The following KCNH6 variants were observed in gnomAD, a reference collection of about 807,000 sequenced individuals.
KCNH6 encodes the protein voltage-gated inwardly rectifying potassium channel KCNH6.
KCNH6 carries 81 observed loss-of-function variants against 83.4 expected under a neutral mutation model. The observed-to-expected ratio is 0.97, with a 90% CI of 0.81 to 1.17. The LOEUF is 1.17. KCNH6 is among the 50% of genes most tolerant of loss of function. The pLI is 0.00. For missense variants in KCNH6, 1,203 were observed against 1,290.5 expected (o/e 0.93, Z 1.04); for synonymous variants, 503 against 545.6 (o/e 0.92, Z 1.09).
rs1215791281 is a variant in KCNH6 at position 63,534,284 on chromosome 17, C to G, written c.1074C>G (p.Leu358=). ...IDMVAAIPFD[L]LIFRTGSDET... is the part of the protein sequence containing the mutation. ...TGGTGGCCGCCATCCCTTTCGACCT[C>G]CTGATCTTCCGCACTGGCTCCGATG... The change falls in exon 5 of 13, where the codon CTC becomes CTG. Residue 358 remains leucine, a synonymous_variant. Transcript: ENST00000314672. This position sits in a 1 kb window ranked among gnomAD's most constrained non-coding sequence, Gnocchi z 5.0. 6.2e-7 allele frequency: 1 copy of G among 1,613,678 alleles called. No homozygotes were observed. The highest frequency in any genetic ancestry group is 8.5e-7 in the Non-Finnish European group (1 of 1,179,802).
Position 63,533,880 on chromosome 17 carries a change from C to T in KCNH6, c.676-6C>T, listed in dbSNP as rs8080494. On this transcript the variant is annotated splice_polypyrimidine_tract_variant and splice_region_variant and intron_variant, in intron 4 of 12. Transcript: ENST00000314672. The surrounding 1 kb of genome is among the most constrained non-coding windows in gnomAD (Gnocchi z 4.1). ...GTGCCTGACCTCCCTCGGCCCCCAC[C>T]CCCAGGTCCTGTCCCTGGGCGCGGA... 1.2e-6 allele frequency: 2 copies of T among 1,609,444 alleles called. No individual in the cohort carries two copies. Among genetic ancestry groups the T allele is most frequent in the African/African-American group, 1.3e-5 (1 of 74,828 alleles).
At chr17:63,529,272 G>A (rs905012329) in intron 2 of KCNH6, among the ~76,000 whole-genome samples, 1 of 152,198 alleles carries the variant, frequency 6.6e-6, no homozygotes, top group Non-Finnish European at 1.5e-5. Context: ...TAATGGGGAA[G>A]GTGGCCAGAG....
At position 63,535,922 on chromosome 17, in the gene KCNH6, A is replaced by ACCCAGCCTCGGGCCCCGAG. The variant is rs763263848; in HGVS notation, c.1371_1372insGAGCCCAGCCTCGGGCCCC (p.Ser458GlufsTer113). The ACCCAGCCTCGGGCCCCGAG allele has an allele frequency of 1.2e-6, 2 of 1,613,840 alleles. No homozygotes were observed. Among genetic ancestry groups the ACCCAGCCTCGGGCCCCGAG allele is most frequent in the Middle Eastern group, 1.6e-4 (1 of 6,084 alleles). Reference sequence around the variant, plus strand: ...CTTGGCAAGCGCTACAACGGCAGCGACCCAGCCTCGGGCCCCTCGGTGCAG... The same window carrying ACCCAGCCTCGGGCCCCGAG: ...CTTGGCAAGCGCTACAACGGCAGCGACCCAGCCTCGGGCCCCGAGCCCAGCCTCGGGCCCCTCGGTGCAG... On this transcript the variant is annotated frameshift_variant, in exon 6 of 13. Coordinates refer to ENST00000314672, the MANE Select transcript of KCNH6 (RefSeq NM_001278919.2). LOFTEE classifies it high-confidence loss of function. The surrounding 1 kb of genome is among the most constrained non-coding windows in gnomAD (Gnocchi z 4.9).
In KCNH6 at chr17:63,546,035, C is replaced by A. The variant is rs2033132744; in HGVS notation, c.*133C>A. ...GGGAGGCCGAGGCGGGCGGATCAGA[C>A]CATCCTGGCTAACACGGTGAAACCC... is the stretch of plus-strand genomic sequence containing the variant. On this transcript the variant is annotated 3_prime_UTR_variant, in exon 13 of 13. Transcript: ENST00000314672. 2.7e-6 allele frequency: 2 copies of A among 749,992 alleles called. No individual in the cohort carries two copies. 46.5% of individuals were successfully genotyped at this position (749,992 alleles called of 1,614,324 possible).
At position 63,534,345 on chromosome 17, in the gene KCNH6, C is replaced by A; in HGVS notation, c.1101+34C>A. On this transcript the variant is annotated intron_variant, in intron 5 of 12. Coordinates refer to ENST00000314672, the MANE Select transcript of KCNH6 (RefSeq NM_001278919.2). This position sits in a 1 kb window ranked among gnomAD's most constrained non-coding sequence, Gnocchi z 5.0. ...ACCCCCTCCAGGCCAGCAGCCATGG[C>A]TGTCCTCTGCACGCTGGCCTCAAGC... 6.3e-7 allele frequency: 1 copy of A among 1,576,872 alleles called. No homozygotes were observed. The highest frequency in any genetic ancestry group is 1.2e-5 in the South Asian group (1 of 84,696).
intron 8 of KCNH6, among the ~76,000 whole-genome samples, chr17:63,541,187 G>A (rs913880251): frequency 3.9e-5 from 6 of 151,964 alleles, no homozygotes; most frequent in Non-Finnish European, 7.4e-5. Flanking sequence ...CACCAGGAGG[G>A]CCCAGTACCC....
chr17:63,533,796 C>T lies in KCNH6; in HGVS notation c.676-90C>T, dbSNP rs796651336. 3.9e-6 allele frequency: 5 copies of T among 1,279,256 alleles called. No homozygotes were observed. In the African/African-American group the frequency reaches 7.3e-5, roughly 19 times the overall value. 79.2% of individuals were successfully genotyped at this position (1,279,256 alleles called of 1,614,324 possible). A position where few individuals can be genotyped will look rare whatever the true frequency, so the allele number is the denominator to read the frequency against. On this transcript the variant is annotated intron_variant, in intron 4 of 12. Coordinates refer to ENST00000314672, the MANE Select transcript of KCNH6 (RefSeq NM_001278919.2). This position sits in a 1 kb window ranked among gnomAD's most constrained non-coding sequence, Gnocchi z 4.1. Reference sequence around the variant, plus strand: ...AGAGCCGTGGTCACCCACCCTCTCCCACTACACCTTCCCCAGGCCTCAGCC... The same window carrying T: ...AGAGCCGTGGTCACCCACCCTCTCCTACTACACCTTCCCCAGGCCTCAGCC...
chr17:63,526,212 C>CA (rs1408592349), intron 2 of KCNH6, among the ~76,000 whole-genome samples: 2 of 152,150 alleles, frequency 1.3e-5, no homozygotes, highest in Non-Finnish European at 2.9e-5. Flanking sequence ...AATCTACTCC[C>CA]ATCCCACCCT....
intron 2 of KCNH6, among the ~76,000 whole-genome samples, chr17:63,526,800 T>C (rs1367975526): frequency 6.6e-6 from 1 of 152,158 alleles, no homozygotes; most frequent in Non-Finnish European, 1.5e-5. Flanking sequence ...GTGGAGGGTT[T>C]GTGTTCACAT....
downstream of KCNH6, among the ~76,000 whole-genome samples, chr17:63,547,921 G>A (rs760687573): frequency 4.7e-5 from 7 of 149,600 alleles, no homozygotes; most frequent in Non-Finnish European, 1.0e-4. Flanking sequence ...CCATGTTCAT[G>A]CAACTGTACT....
chr17:63,527,824 T>A (rs2031819352), intron 2 of KCNH6, among the ~76,000 whole-genome samples: 1 of 152,106 alleles, frequency 6.6e-6, no homozygotes, highest in South Asian at 2.1e-4. Flanking sequence ...TGCTCTGGAC[T>A]CTTCCAAATC....
At position 63,530,114 on chromosome 17, in the gene KCNH6, G is replaced by T. The variant is rs765235353; in HGVS notation, c.331G>T (p.Asp111Tyr). Residue 111 changes from aspartate to tyrosine, a missense_variant, in exon 3 of 13, where the codon GAT becomes TAT. Physicochemically the swap from Asp to Tyr is radical, Grantham distance 160. Transcript: ENST00000314672. ...KDASSFRCLV[D>Y]VVPVKNEDGA... ...AGCCTCCAGCTTCCGCTGCCTGGTA[G>T]ATGTGGTGCCCGTGAAGAACGAGGA... is the stretch of plus-strand genomic sequence containing the variant. 5 of 1,613,756 alleles carry T rather than the reference G, an allele frequency of 3.1e-6. No homozygotes were observed. In the South Asian group the frequency reaches 5.5e-5, roughly 18 times the overall value.
rs1443480217 is a variant in KCNH6 at position 63,534,888 on chromosome 17, G to A, written c.1101+577G>A. Among the ~76,000 whole-genome samples, 1 of 151,962 alleles carries A rather than the reference G, an allele frequency of 6.6e-6. No homozygotes were observed. Among genetic ancestry groups the A allele is most frequent in the Non-Finnish European group, 1.5e-5 (1 of 67,978 alleles). ...CTGTCCAGCAGGGGGTGTCCAGCAG[G>A]GCTCCTCTGCTCCAAAGCCCCCTAA... On this transcript the variant is annotated intron_variant, in intron 5 of 12. Transcript: ENST00000314672. This position sits in a 1 kb window ranked among gnomAD's most constrained non-coding sequence, Gnocchi z 5.0.
Position 63,544,358 on chromosome 17 carries a change from C to G in KCNH6, c.2343C>G (p.Cys781Trp). The G allele has an allele frequency of 6.2e-7, 1 of 1,610,946 alleles. No individual in the cohort carries two copies. Among genetic ancestry groups the G allele is most frequent in the Non-Finnish European group, 8.5e-7 (1 of 1,178,624 alleles). Residue 781 changes from cysteine to tryptophan, a missense_variant, in exon 11 of 13, where the codon TGC becomes TGG. Transcript: ENST00000314672. ...AAAGCCCTCAGGAAGACCCAGATTG[C>G]TGGCCTCTGAAGCTGGGCTCCAGGC... ...SPQSPQEDPDCWPLKLGSRLE... is the reference protein window; with the variant it reads ...SPQSPQEDPDWWPLKLGSRLE...
Position 63,535,546 on chromosome 17 carries a change from A to G in KCNH6, c.1102-123A>G. The G allele has an allele frequency of 3.3e-6, 3 of 911,092 alleles. No homozygotes were observed. The South Asian group carries it at 5.0e-5, about 15-fold the overall frequency. 56.4% of individuals were successfully genotyped at this position (911,092 alleles called of 1,614,324 possible). A position where few individuals can be genotyped will look rare whatever the true frequency, so the allele number is the denominator to read the frequency against. On this transcript the variant is annotated intron_variant, in intron 5 of 12. Transcript: ENST00000314672. This position sits in a 1 kb window ranked among gnomAD's most constrained non-coding sequence, Gnocchi z 4.9. Reference sequence around the variant, plus strand: ...CACTGCCAAGTGCGTGGCCCGGAGGAAGTTCTCCATAAATGTTTGTTGAAT... The same window carrying G: ...CACTGCCAAGTGCGTGGCCCGGAGGGAGTTCTCCATAAATGTTTGTTGAAT...
downstream of KCNH6, among the ~76,000 whole-genome samples, chr17:63,548,277 A>C (rs1568093562): frequency 1.3e-5 from 2 of 151,926 alleles, no homozygotes; most frequent in Non-Finnish European, 2.9e-5. Flanking sequence ...AAAAAAAAGT[A>C]GGTCGGTCAT....
At position 63,524,210 on chromosome 17, in the gene KCNH6, G is replaced by A. The variant is rs1398129760; in HGVS notation, c.148G>A (p.Glu50Lys). ...CATTTACTGCAACGACGGCTTCTGC[G>A]AACTCTTCGGCTACTCCCGAGTGGA... ...AIIYCNDGFC[E>K]LFGYSRVEVM... Residue 50 changes from glutamate to lysine, a missense_variant, in exon 2 of 13, where the codon GAA (glutamate) becomes AAA (lysine). Transcript: ENST00000314672. The A allele has an allele frequency of 7.4e-6, 12 of 1,614,188 alleles. No homozygotes were observed. The highest frequency in any genetic ancestry group is 2.2e-5 in the East Asian group (1 of 44,880).
chr17:63,528,654 C>A (rs919443638), intron 2 of KCNH6, among the ~76,000 whole-genome samples: 1 of 152,192 alleles, frequency 6.6e-6, no homozygotes, highest in Non-Finnish European at 1.5e-5. Context: ...GCCTAACCTG[C>A]CCTCAGGGAG....
chr17:63,538,752 T>G lies in KCNH6; in HGVS notation c.1954+90T>G. On this transcript the variant is annotated intron_variant, in intron 8 of 12. Transcript: ENST00000314672. This position sits in a 1 kb window ranked among gnomAD's most constrained non-coding sequence, Gnocchi z 4.0. ...TGCCCTGCCCAGGCCACCCTCTTCCTGATGAGGATTTTACTTTTACTGGCA... is the reference window on the plus strand; with the variant it reads ...TGCCCTGCCCAGGCCACCCTCTTCCGGATGAGGATTTTACTTTTACTGGCA... 7.4e-7 allele frequency: 1 copy of G among 1,343,316 alleles called. No individual in the cohort carries two copies. The highest frequency in any genetic ancestry group is 1.0e-6 in the Non-Finnish European group (1 of 985,112). The allele number at this position is 1,343,316 out of a possible 1,614,324, so 83.2% of individuals were successfully genotyped here.
Sources: gnomAD v4.1 joint callset for allele counts (sites outside exome capture counted in the v4.1 genomes callset) on GRCh38, gnomAD v4.1.1 for gene constraint, Gnocchi (gnomAD v3.1) non-coding constraint, MANE v1.5 for transcripts, NCBI Gene and HGNC (gene_info 2026-07-23, HGNC 2026-07-21) for gene names.